NUAK1: variants seen among roughly 807,000 people sequenced by gnomAD.
The protein encoded by NUAK1 is NUAK family SNF1-like kinase 1.
In NUAK1, 26 loss-of-function variants were observed where a neutral mutation model predicts 56.9. The observed-to-expected ratio is 0.46, with a 90% CI of 0.33 to 0.63. NUAK1 has a LOEUF of 0.63. Among genes scored for constraint, NUAK1 ranks in the 30% least tolerant of loss-of-function variants. The pLI is 0.02. For synonymous variants in NUAK1, 337 were observed against 336.0 expected (o/e 1.00, Z -0.03); for missense variants, 727 against 876.1 (o/e 0.83, Z 2.15).
In NUAK1 at chr12:106,116,992, T is replaced by C. The variant is rs947244911; in HGVS notation, c.241-10467A>G. On this transcript the variant is annotated intron_variant, in intron 1 of 6. Coordinates refer to ENST00000261402, the MANE Select transcript of NUAK1 (RefSeq NM_014840.3). ...TCTGGATAAGGCATTGATCCAGTCC[T>C]AGAGAACATGAACTAGACCTACCCT... Among the ~76,000 whole-genome samples, 6 of 152,166 alleles carry C rather than the reference T, an allele frequency of 3.9e-5. 1 individual carries two copies. The highest frequency in any genetic ancestry group is 5.9e-5 in the Non-Finnish European group (4 of 68,024).
At chr12:106,092,676 G>A (rs2136465520) in intron 2 of NUAK1, among the ~76,000 whole-genome samples, 1 of 152,214 alleles carries the variant, frequency 6.6e-6, no homozygotes, top group Admixed American at 6.5e-5. Context: ...TAGACATTTG[G>A]GCTGTTTCCA....
rs957484287 is a variant in NUAK1 at position 106,138,124 on chromosome 12, G to A, written c.240+290C>T. On this transcript the variant is annotated intron_variant, in intron 1 of 6. Coordinates refer to ENST00000261402, the MANE Select transcript of NUAK1 (RefSeq NM_014840.3). The surrounding 1 kb of genome is among the most constrained non-coding windows in gnomAD (Gnocchi z 5.0). ...ACCCCGGCCGTCCCAACGCTGCAAA[G>A]TGTTTGCAAATCTAAAACATTCCTT... Among the ~76,000 whole-genome samples, 1 of 152,212 alleles carries A rather than the reference G, an allele frequency of 6.6e-6. No individual in the cohort carries two copies. The highest frequency in any genetic ancestry group is 2.4e-5 in the African/African-American group (1 of 41,454).
intron 1 of NUAK1, among the ~76,000 whole-genome samples, chr12:106,130,593 C>CA (rs539263927): frequency 5.3e-4 from 80 of 152,282 alleles, no homozygotes; most frequent in African/African-American, 1.9e-3. Context: ...AGCAAGCTAC[C>CA]ACCAGGGCTG....
intron 1 of NUAK1, among the ~76,000 whole-genome samples, chr12:106,127,231 C>G (rs574628931): frequency 9.2e-5 from 14 of 152,090 alleles, no homozygotes; most frequent in Non-Finnish European, 5.9e-5. Context: ...GTGGTGTGAT[C>G]GTAGATCACT....
chr12:106,081,796 C>T (rs2032520156), intron 4 of NUAK1, among the ~76,000 whole-genome samples: 1 of 152,198 alleles, frequency 6.6e-6, no homozygotes, highest in Admixed American at 6.5e-5. Flanking sequence ...GAACCCAACC[C>T]CTAGGCAAGA....
intron 5 of NUAK1, 58 bp downstream of exon 5, chr12:106,072,662 TGCCC>T: frequency 1.3e-6 from 2 of 1,532,890 alleles, no homozygotes; most frequent in Admixed American, 1.9e-5. Context: ...ATCCAGTTTT[TGCCC>T]TTCCTCCCTC....
rs2032326391 is a variant in NUAK1 at position 106,065,422 on chromosome 12, C to T, written c.*1380G>A. On this transcript the variant is annotated 3_prime_UTR_variant, in exon 7 of 7. Transcript: ENST00000261402. ...TGTTCCCTCTCTTACATGCTTCCTC[C>T]CAACCCCCTGCACTCTTTCAACACC... 1.3e-5 allele frequency: 2 copies of T among 152,102 alleles called. No individual in the cohort carries two copies. Among genetic ancestry groups the T allele is most frequent in the African/African-American group, 2.4e-5 (1 of 41,394 alleles). 9.4% of individuals were successfully genotyped at this position (152,102 alleles called of 1,614,324 possible).
At chr12:106,081,216 C>G (rs1221013048) in intron 4 of NUAK1, among the ~76,000 whole-genome samples, 1 of 152,060 alleles carries the variant, frequency 6.6e-6, no homozygotes, top group African/African-American at 2.4e-5. Context: ...ATAATTTAGT[C>G]CAGACTGATT....
intron 2 of NUAK1, chr12:106,104,095 T>C (rs182405682): frequency 1.3e-5 from 2 of 151,202 alleles, no homozygotes; most frequent in East Asian, 3.9e-4. Flanking sequence ...AGACAGGGTC[T>C]CACTTGGTTG....
chr12:106,109,555 G>GAAAAAA (rs5800702), intron 1 of NUAK1, among the ~76,000 whole-genome samples: 2 of 123,516 alleles, frequency 1.6e-5, no homozygotes, highest in Non-Finnish European at 1.8e-5. Context: ...GGTTGTTAAG[G>GAAAAAA]AAAAAAAAAA....
At chr12:106,137,502 T>C (rs1027888363) in intron 1 of NUAK1, among the ~76,000 whole-genome samples, 2 of 152,164 alleles carry the variant, frequency 1.3e-5, no homozygotes, top group Non-Finnish European at 2.9e-5. Context: ...CCCAACTCTC[T>C]AGCCACAAGC....
At chr12:106,137,046 A>T (rs1314443291) in intron 1 of NUAK1, among the ~76,000 whole-genome samples, 7 of 145,804 alleles carry the variant, frequency 4.8e-5, no homozygotes, top group African/African-American at 1.5e-4. Flanking sequence ...CAAATTTCCA[A>T]TTAATTGATA....
At chr12:106,104,034 A>G (rs1371497351) in intron 2 of NUAK1, 1 of 150,718 alleles carries the variant, frequency 6.6e-6, no homozygotes, top group East Asian at 2.0e-4. Flanking sequence ...ACATTGCTAC[A>G]TAGCACTCTT....
chr12:106,090,260 C>T (rs2032621922), intron 2 of NUAK1, among the ~76,000 whole-genome samples: 1 of 152,156 alleles, frequency 6.6e-6, no homozygotes. Context: ...CCCCCAGTCC[C>T]CCATAGGAAG....
intron 2 of NUAK1, among the ~76,000 whole-genome samples, chr12:106,093,664 G>A (rs1445253353): frequency 6.6e-6 from 1 of 152,262 alleles, no homozygotes; most frequent in Non-Finnish European, 1.5e-5. Context: ...ATACTGGACT[G>A]TTTTGGAAGA....
chr12:106,083,386 C>G (rs2730486), intron 4 of NUAK1, among the ~76,000 whole-genome samples: 36,330 of 152,110 alleles, frequency 0.24, 4,423 homozygotes, highest in East Asian at 0.43. Context: ...CCCAACTCTA[C>G]TCTTTACCAC....
chr12:106,090,758 G>A (rs1347488839), intron 2 of NUAK1, among the ~76,000 whole-genome samples: 1 of 152,170 alleles, frequency 6.6e-6, no homozygotes, highest in African/African-American at 2.4e-5. Flanking sequence ...ACGAATGGAA[G>A]CTGTGCTCAT....
chr12:106,100,445 C>A (rs2032735688), intron 2 of NUAK1, among the ~76,000 whole-genome samples: 1 of 152,166 alleles, frequency 6.6e-6, no homozygotes, highest in Non-Finnish European at 1.5e-5. Flanking sequence ...TGTTTAGTCT[C>A]CGCTTCATTC....
Position 106,120,508 on chromosome 12 carries a change from G to A in NUAK1, c.241-13983C>T, listed in dbSNP as rs115403403. On this transcript the variant is annotated intron_variant, in intron 1 of 6. Coordinates refer to ENST00000261402, the MANE Select transcript of NUAK1 (RefSeq NM_014840.3). Reference sequence around the variant, plus strand: ...CTTCAAAATCTGAGACTCAGAGGACGATGTCGGGGGCAAAGTGAGAAGGGG... The same window carrying A: ...CTTCAAAATCTGAGACTCAGAGGACAATGTCGGGGGCAAAGTGAGAAGGGG... Among the ~76,000 whole-genome samples the A allele has an allele frequency of 5.2e-3, 788 of 151,872 alleles. 6 individuals are homozygous for A. Among genetic ancestry groups the A allele is most frequent in the African/African-American group, 0.018 (749 of 41,492 alleles).
Sources: gnomAD v4.1 joint callset for allele counts (sites outside exome capture counted in the v4.1 genomes callset) on GRCh38, gnomAD v4.1.1 for gene constraint, Gnocchi (gnomAD v3.1) non-coding constraint, MANE v1.5 for transcripts, NCBI Gene and HGNC (gene_info 2026-07-23, HGNC 2026-07-21) for gene names.